The following TTLL5 variants were observed in gnomAD, a reference collection of about 807,000 sequenced individuals.
The protein encoded by TTLL5 is tubulin tyrosine ligase like 5.
A neutral mutation model predicts 168.4 loss-of-function variants in TTLL5; 132 were observed. That is an observed-to-expected ratio of 0.78 (90% CI 0.68 to 0.91). TTLL5 has a LOEUF of 0.91. Among genes scored for constraint, TTLL5 ranks in the 40% least tolerant of loss-of-function variants. TTLL5 has a pLI of 0.00. For missense variants in TTLL5, 1,545 were observed against 1,581.5 expected, an observed-to-expected ratio of 0.98 and a Z score of 0.39; for synonymous variants, 546 against 558.6, an observed-to-expected ratio of 0.98 and a Z score of 0.32.
At chr14:75,687,402 T>C (rs1004144665) in intron 5 of TTLL5, among the ~76,000 whole-genome samples, 2 of 151,996 alleles carry the variant, frequency 1.3e-5, no homozygotes, top group Non-Finnish European at 2.9e-5. Flanking sequence ...GCCTCCCGAG[T>C]AGCTGGGACT....
At position 75,792,920 on chromosome 14, in the gene TTLL5, G is replaced by T. The variant is rs573917274; in HGVS notation, c.2991G>T (p.Ser997=). The change falls in exon 27 of 32, where the codon TCG becomes TCT. Residue 997 remains serine, a synonymous_variant. Coordinates refer to ENST00000298832, the MANE Select transcript of TTLL5 (RefSeq NM_015072.5). The part of the protein sequence containing the change: ...LSRPSSAKAG[S]CYLNKHHSGI... ...AACTTTTCTCCGTTTTAGCAGGATC[G>T]TGCTATCTAAACAAGCATCATTCAG... 2 of 1,592,766 alleles carry T rather than the reference G, an allele frequency of 1.3e-6. No homozygotes were observed. Among genetic ancestry groups the T allele is most frequent in the South Asian group, 1.1e-5 (1 of 87,800 alleles).
intron 31 of TTLL5, among the ~76,000 whole-genome samples, chr14:75,936,134 AT>A (rs1255723763): frequency 1.3e-5 from 2 of 151,948 alleles, no homozygotes; most frequent in Non-Finnish European, 1.5e-5. Context: ...AGGTGCTGTA[AT>A]TTTTACATAG....
chr14:75,668,882 C>A (rs1366579463), intron 2 of TTLL5, among the ~76,000 whole-genome samples: 1 of 152,188 alleles, frequency 6.6e-6, no homozygotes, highest in Middle Eastern at 3.2e-3. Flanking sequence ...AGAATACTTT[C>A]ACTCATATTC....
At chr14:75,851,117 A>AC (rs1896828848) in intron 28 of TTLL5, among the ~76,000 whole-genome samples, 1 of 151,140 alleles carries the variant, frequency 6.6e-6, no homozygotes, top group Non-Finnish European at 1.5e-5. Flanking sequence ...AAAAAAAAAA[A>AC]GTTAATGGAA....
Position 75,719,919 on chromosome 14 carries a change from G to A in TTLL5, c.934+93G>A, listed in dbSNP as rs1887735178. 2.3e-6 allele frequency: 3 copies of A among 1,322,330 alleles called. No individual in the cohort carries two copies. The African/African-American group carries it at 4.4e-5, about 19-fold the overall frequency. The allele number at this position is 1,322,330 out of a possible 1,614,324, so 81.9% of individuals were successfully genotyped here. On this transcript the variant is annotated intron_variant, in intron 11 of 31. Coordinates refer to ENST00000298832, the MANE Select transcript of TTLL5 (RefSeq NM_015072.5). ...GGAATCATTCTCTGTTGCTTTGATA[G>A]TGTTGCTGAGACGGGATGATTGTCC...
intron 27 of TTLL5, among the ~76,000 whole-genome samples, chr14:75,813,158 T>C (rs1894154787): frequency 6.6e-6 from 1 of 152,046 alleles, no homozygotes; most frequent in South Asian, 2.1e-4. Context: ...TAGGTTAATA[T>C]ACATAAAATA....
intron 27 of TTLL5, among the ~76,000 whole-genome samples, chr14:75,807,836 T>A (rs1893748643): frequency 6.6e-6 from 1 of 152,234 alleles, no homozygotes; most frequent in African/African-American, 2.4e-5. Context: ...GCCAAGCCTA[T>A]ACTTGTGCCT....
intron 12 of TTLL5, 86 bp from the exon 13 acceptor site, chr14:75,732,252 G>C: frequency 8.7e-7 from 1 of 1,144,872 alleles, no homozygotes. Context: ...CTAGGCCTGG[G>C]AGTTAATGAG....
chr14:75,744,943 T>C (rs1166320980), intron 15 of TTLL5, 152 bp from the exon 16 acceptor site: 6 of 630,738 alleles, frequency 9.5e-6, no homozygotes, highest in Non-Finnish European at 1.3e-5. Context: ...TTTCCAGGGT[T>C]CCAGGCTGAG....
chr14:75,941,262 C>G (rs187064807), intron 31 of TTLL5, among the ~76,000 whole-genome samples: 1 of 152,308 alleles, frequency 6.6e-6, no homozygotes, highest in African/African-American at 2.4e-5. Context: ...TGAAATGGAT[C>G]TGATGTTCTT....
At chr14:75,776,276 A>G (rs1331292088) in intron 22 of TTLL5, among the ~76,000 whole-genome samples, 3 of 152,194 alleles carry the variant, frequency 2.0e-5, no homozygotes, top group Admixed American at 2.0e-4. Flanking sequence ...CATAGCCACA[A>G]TTTACTCCAG....
chr14:75,780,601 T>G (rs1463666147), intron 24 of TTLL5, among the ~76,000 whole-genome samples: 1 of 152,218 alleles, frequency 6.6e-6, no homozygotes, highest in Non-Finnish European at 1.5e-5. Flanking sequence ...AGTACTAGAT[T>G]CAAAGATGGA....
Position 75,833,617 on chromosome 14 carries a change from A to G in TTLL5, c.3326+13456A>G, listed in dbSNP as rs186174251. Reference sequence around the variant, plus strand: ...ACTTCCTAGGGATGTTCTCAGGAGCAAATGAAAACTAAATGGCATAAGAAA... The same window carrying G: ...ACTTCCTAGGGATGTTCTCAGGAGCGAATGAAAACTAAATGGCATAAGAAA... On this transcript the variant is annotated intron_variant, in intron 28 of 31. Coordinates refer to ENST00000298832, the MANE Select transcript of TTLL5 (RefSeq NM_015072.5). Among the ~76,000 whole-genome samples, 331 of 152,342 alleles carry G rather than the reference A, an allele frequency of 2.2e-3. 1 individual carries two copies. The highest frequency in any genetic ancestry group is 7.5e-3 in the African/African-American group (313 of 41,582).
chr14:75,794,693 G>A (rs566010260), intron 27 of TTLL5, among the ~76,000 whole-genome samples: 1 of 152,298 alleles, frequency 6.6e-6, no homozygotes, highest in African/African-American at 2.4e-5. Context: ...CTTGCCATTA[G>A]ATGTCAGTGT....
intron 30 of TTLL5, among the ~76,000 whole-genome samples, chr14:75,898,902 A>G (rs2032795709): frequency 6.6e-6 from 1 of 152,242 alleles, no homozygotes; most frequent in Non-Finnish European, 1.5e-5. Context: ...TAACTTTAAT[A>G]GCAAATTGCT....
intron 18 of TTLL5, among the ~76,000 whole-genome samples, chr14:75,757,364 T>C (rs1890339857): frequency 6.6e-6 from 1 of 152,154 alleles, no homozygotes; most frequent in African/African-American, 2.4e-5. Flanking sequence ...GCTTGGTTTC[T>C]TTTCCTAAAA....
At chr14:75,669,550 G>A (rs548687305) in intron 3 of TTLL5, 28 bp downstream of exon 3, 14 of 1,599,928 alleles carry the variant, frequency 8.8e-6, no homozygotes, top group East Asian at 6.7e-5. Context: ...CACAGAGGAC[G>A]GAGCTGGGCA....
At chr14:75,890,259 A>G (rs2032335616) in intron 30 of TTLL5, among the ~76,000 whole-genome samples, 1 of 152,226 alleles carries the variant, frequency 6.6e-6, no homozygotes, top group South Asian at 2.1e-4. Flanking sequence ...TAGAAAAGGA[A>G]CCATAAAACA....
chr14:75,782,761 C>T (rs2042515), intron 25 of TTLL5, among the ~76,000 whole-genome samples, 188 bp downstream of exon 25: 96,183 of 152,018 alleles, frequency 0.63, 33,252 homozygotes, highest in Admixed American at 0.76. Context: ...AAGACTTTTT[C>T]GTTTTCTTAA....
Sources: gnomAD v4.1 joint callset for allele counts (sites outside exome capture counted in the v4.1 genomes callset) on GRCh38, gnomAD v4.1.1 for gene constraint, MANE v1.5 for transcripts, NCBI Gene and HGNC (gene_info 2026-07-23, HGNC 2026-07-21) for gene names.